Variants in C13orf46 observed in about 807,000 individuals in gnomAD.
The protein encoded by C13orf46 is uncharacterized protein C13orf46.
At chr13:113,935,773 C>T in the C13orf46 span, among the ~76,000 whole-genome samples, 8 of 152,178 alleles carry the variant, frequency 5.3e-5, no homozygotes, top group Admixed American at 2.0e-4. Context: ...GCTCCCAGCC[C>T]GCCAGCCACC....
downstream of C13orf46, among the ~76,000 whole-genome samples, chr13:113,951,655 C>T (rs1291944050): frequency 6.6e-6 from 1 of 152,218 alleles, no homozygotes; most frequent in African/African-American, 2.4e-5. Context: ...CAGCGCCTGC[C>T]CCAAGGCTGC....
chr13:113,963,497 GGCCCCTGTCCTCAGCCTC>G (rs1409779877), intron 6 of C13orf46, among the ~76,000 whole-genome samples: 11 of 123,346 alleles, frequency 8.9e-5, no homozygotes, highest in African/African-American at 3.0e-4. Context: ...CCTCAGCCTC[GGCCCCTGTCCTCAGCCTC>G]GCCCCTGTCC....
downstream of C13orf46, among the ~76,000 whole-genome samples, chr13:113,951,754 T>A (rs2138964505): frequency 6.6e-6 from 1 of 152,312 alleles, no homozygotes; most frequent in South Asian, 2.1e-4. Context: ...CATTTCAAAG[T>A]GGTTGCCTTT....
At position 113,954,945 on chromosome 13, in the gene C13orf46, A is replaced by T. The variant is rs2052510115; in HGVS notation, c.*1828T>A. ...GCATCTGGCGGAGACGAGGAGGAGG[A>T]TCTGGCGGAGACGAGGAGGAGGATC... On this transcript the variant is annotated 3_prime_UTR_variant, in exon 7 of 7. Coordinates refer to ENST00000636427, the MANE Select transcript of C13orf46 (RefSeq NM_001365455.2). The T allele has an allele frequency of 6.2e-6, 1 of 160,688 alleles. No homozygotes were observed. The allele number at this position is 160,688 out of a possible 1,614,324, so 10.0% of individuals were successfully genotyped here.
chr13:113,969,649 A>T (rs1249844199), intron 2 of C13orf46, among the ~76,000 whole-genome samples: 3 of 152,200 alleles, frequency 2.0e-5, no homozygotes, highest in Non-Finnish European at 2.9e-5. Flanking sequence ...ATGACTTTTA[A>T]GTCTTCTTTG....
At chr13:113,953,491 G>A (rs2052497904), downstream of C13orf46, among the ~76,000 whole-genome samples, 1 of 152,106 alleles carries the variant, frequency 6.6e-6, no homozygotes. Context: ...AGTGAAGGAG[G>A]AACAGAATTA....
chr13:113,939,002 GC>G, the C13orf46 span, among the ~76,000 whole-genome samples: 1 of 151,902 alleles, frequency 6.6e-6, no homozygotes, highest in African/African-American at 2.4e-5. Context: ...CGTTTCCTCA[GC>G]CAGCTCCTCC....
chr13:113,928,030 A>C, the C13orf46 span: 1 of 178,096 alleles, frequency 5.6e-6, no homozygotes, highest in Admixed American at 6.3e-5. Flanking sequence ...GCTTGGAAGG[A>C]AAAGCATCGC....
the C13orf46 span, among the ~76,000 whole-genome samples, chr13:113,929,725 AG>A: frequency 6.6e-5 from 10 of 152,114 alleles, no homozygotes. Flanking sequence ...TTCACATTGG[AG>A]CCCCCCTCTG....
chr13:113,966,623 T>C (rs1566421717), intron 5 of C13orf46, among the ~76,000 whole-genome samples: 1 of 151,638 alleles, frequency 6.6e-6, no homozygotes, highest in African/African-American at 2.4e-5. Context: ...ATGGTCATGA[T>C]AGTGATGATG....
At position 113,973,886 on chromosome 13, in the gene C13orf46, G is replaced by C. The variant is rs1352043463; in HGVS notation, c.112C>G (p.Gln38Glu). 6.6e-6 allele frequency: 1 copy of C among 152,342 alleles called. No individual in the cohort carries two copies. The highest frequency in any genetic ancestry group is 1.5e-5 in the Non-Finnish European group (1 of 68,108). 9.4% of individuals were successfully genotyped at this position (152,342 alleles called of 1,614,324 possible). A position where few individuals can be genotyped will look rare whatever the true frequency, so the allele number is the denominator to read the frequency against. The change falls in exon 1 of 7, where the codon CAG becomes GAG. Residue 38 changes from glutamine to glutamate, a missense_variant. Physicochemically the swap from Gln to Glu is conservative, Grantham distance 29 (BLOSUM62 2). Transcript: ENST00000636427. ...AGGCCTCCCAGACTCCTGCTTCGCT[G>C]AAGTTCAGAGGCCTCACTGGCCGCC... ...LKAASEASELQRSRSLGGLQP... is the reference protein window; with the variant it reads ...LKAASEASELERSRSLGGLQP...
rs913302806 is a variant in C13orf46 at position 113,954,823 on chromosome 13, G to A, written c.*1950C>T. 1.8e-4 allele frequency: 35 copies of A among 196,970 alleles called. No homozygotes were observed. Among genetic ancestry groups the A allele is most frequent in the Middle Eastern group, 4.1e-3 (2 of 482 alleles). 12.2% of individuals were successfully genotyped at this position (196,970 alleles called of 1,614,324 possible). On this transcript the variant is annotated 3_prime_UTR_variant, in exon 7 of 7. Coordinates refer to ENST00000636427, the MANE Select transcript of C13orf46 (RefSeq NM_001365455.2). The stretch of plus-strand genomic sequence containing the variant: ...CAGCTGGTGGAGACGAGGAGCATCC[G>A]GTGGAGATGAGGAGCATCCGGTGGA...
At position 113,956,643 on chromosome 13, in the gene C13orf46, G is replaced by A. The variant is rs990442182; in HGVS notation, c.*130C>T. ...GAAGAAAACAGAAACCTCAGTGCCT[G>A]GCAGAGAAGGCTCTTGGGCGGCAAG... On this transcript the variant is annotated 3_prime_UTR_variant, in exon 7 of 7. Coordinates refer to ENST00000636427, the MANE Select transcript of C13orf46 (RefSeq NM_001365455.2). The A allele has an allele frequency of 6.6e-6, 1 of 152,378 alleles. No individual in the cohort carries two copies. The highest frequency in any genetic ancestry group is 2.1e-4 in the South Asian group (1 of 4,842). 9.4% of individuals were successfully genotyped at this position (152,378 alleles called of 1,614,324 possible).
At chr13:113,944,622 G>A in the C13orf46 span, among the ~76,000 whole-genome samples, 616 of 149,724 alleles carry the variant, frequency 4.1e-3, 2 homozygotes, top group Non-Finnish European at 7.0e-3. Flanking sequence ...CTCCAGGTGT[G>A]TGATGGGCCC....
At position 113,955,965 on chromosome 13, in the gene C13orf46, TCTGGC is replaced by T. The variant is rs2052527387; in HGVS notation, c.*803_*807del. The T allele has an allele frequency of 5.9e-5, 8 of 136,520 alleles. No individual in the cohort carries two copies. Among genetic ancestry groups the T allele is most frequent in the Admixed American group, 3.8e-4 (5 of 12,996 alleles). The allele number at this position is 136,520 out of a possible 1,614,324, so 8.5% of individuals were successfully genotyped here. On this transcript the variant is annotated 3_prime_UTR_variant, in exon 7 of 7. Transcript: ENST00000636427. ...CATCTGGCGGAGACGAGGAGGAGCA[TCTGGC>T]GGAGACGAGGAGTAGGATCTGGCAG...
chr13:113,939,458 TGGG>T, the C13orf46 span, among the ~76,000 whole-genome samples: 1 of 149,940 alleles, frequency 6.7e-6, no homozygotes, highest in Admixed American at 6.7e-5. Context: ...ACTGGGAAGA[TGGG>T]GGCCACCTGG....
chr13:113,958,137 C>A (rs1294957262), intron 6 of C13orf46, among the ~76,000 whole-genome samples: 1 of 151,522 alleles, frequency 6.6e-6, no homozygotes, highest in African/African-American at 2.4e-5. Context: ...CACATGCACC[C>A]CCTTTCATCA....
At chr13:113,948,162 G>A in the C13orf46 span, among the ~76,000 whole-genome samples, 1 of 152,126 alleles carries the variant, frequency 6.6e-6, no homozygotes, top group Non-Finnish European at 1.5e-5. Flanking sequence ...ACTAACTACT[G>A]AGGAGTCACA....
Position 113,958,948 on chromosome 13 carries a change from CTT to C in C13orf46, c.573-2111_573-2110del, listed in dbSNP as rs1458915674. ...GGCTGACAGCCCTGAGTTTTGGAGA[CTT>C]TTCATTTGTTAAGGAGAAAAATTCT... On this transcript the variant is annotated intron_variant, in intron 6 of 6. Transcript: ENST00000636427. Among the ~76,000 whole-genome samples, 515 of 152,222 alleles carry C rather than the reference CTT, an allele frequency of 3.4e-3. 1 individual carries two copies. The highest frequency in any genetic ancestry group is 0.02 in the Middle Eastern group (6 of 294).
Sources: allele counts gnomAD v4.1 joint callset (sites outside exome capture counted in the v4.1 genomes callset), GRCh38; gene constraint gnomAD v4.1.1; transcripts MANE v1.5; gene names NCBI Gene and HGNC (gene_info 2026-07-23, HGNC 2026-07-21).